The following NCAM1 variants were observed in gnomAD, a reference collection of about 807,000 sequenced individuals.
NCAM1 encodes the protein neural cell adhesion molecule 1.
NCAM1 carries 14 observed loss-of-function variants against 109.8 expected under a neutral mutation model. That is an observed-to-expected ratio of 0.13 (90% CI 0.08 to 0.20). NCAM1 has a LOEUF of 0.20. NCAM1 is among the 10% of genes least tolerant of loss of function. The pLI, the probability that NCAM1 is intolerant of heterozygous loss-of-function variation, is 1.00. For synonymous variants in NCAM1, 418 were observed against 442.9 expected, an observed-to-expected ratio of 0.94 and a Z score of 0.70; for missense variants, 774 against 1,109.9, an observed-to-expected ratio of 0.70 and a Z score of 4.30.
intron 1 of NCAM1, among the ~76,000 whole-genome samples, chr11:113,112,270 G>C (rs1940478999): frequency 6.6e-6 from 1 of 152,192 alleles, no homozygotes; most frequent in Admixed American, 6.5e-5. Flanking sequence ...TGTTTTGCCA[G>C]TGGAAATATT....
chr11:113,217,460 C>A (rs1268983038), intron 8 of NCAM1, among the ~76,000 whole-genome samples: 1 of 152,112 alleles, frequency 6.6e-6, no homozygotes, highest in Admixed American at 6.6e-5. Context: ...TTTTATCTTT[C>A]TGGTTGTCTT....
intron 1 of NCAM1, among the ~76,000 whole-genome samples, chr11:113,101,503 TC>T (rs1465424650): frequency 2.6e-5 from 4 of 152,252 alleles, no homozygotes; most frequent in African/African-American, 9.6e-5. Flanking sequence ...TGTGTATTGC[TC>T]CTTAATTATA....
At chr11:113,263,163 A>T (rs1373350757) in intron 17 of NCAM1, 2 of 1,196,108 alleles carry the variant, frequency 1.7e-6, no homozygotes, top group African/African-American at 1.5e-5. Flanking sequence ...AGTAAAAAGA[A>T]TTTGAGAGCT....
intron 1 of NCAM1, among the ~76,000 whole-genome samples, chr11:113,088,704 G>A (rs556216213): frequency 1.3e-5 from 2 of 152,136 alleles, no homozygotes; most frequent in Non-Finnish European, 2.9e-5. Context: ...GTGTATGTAG[G>A]AAATTTGTCA....
intron 1 of NCAM1, among the ~76,000 whole-genome samples, chr11:113,155,130 A>G (rs1480887341): frequency 6.6e-6 from 1 of 152,230 alleles, no homozygotes; most frequent in Non-Finnish European, 1.5e-5. Flanking sequence ...CATAACATCC[A>G]GGAGCAAGTG....
intron 1 of NCAM1, among the ~76,000 whole-genome samples, chr11:113,029,733 T>A (rs571526875): frequency 6.6e-6 from 1 of 152,378 alleles, no homozygotes; most frequent in East Asian, 1.9e-4. Flanking sequence ...TCTGCTGAAC[T>A]ATTTGACTTT....
chr11:113,022,640 A>G (rs1952424863), intron 1 of NCAM1, among the ~76,000 whole-genome samples: 1 of 152,186 alleles, frequency 6.6e-6, no homozygotes, highest in Non-Finnish European at 1.5e-5. Flanking sequence ...GTAAGCAAAT[A>G]CTTAATATAA....
intron 9 of NCAM1, among the ~76,000 whole-genome samples, chr11:113,227,237 T>C (rs1419036729): frequency 2.0e-5 from 3 of 150,274 alleles, no homozygotes; most frequent in Non-Finnish European, 2.9e-5. Flanking sequence ...CAATAAAAAA[T>C]GATAAAGGGG....
intron 1 of NCAM1, among the ~76,000 whole-genome samples, chr11:113,073,711 G>A (rs1489613418): frequency 6.6e-6 from 1 of 152,126 alleles, no homozygotes; most frequent in South Asian, 2.1e-4. Context: ...CTTTAAATCC[G>A]CATCACACAT....
chr11:113,193,649 A>G (rs1296909606), intron 1 of NCAM1, among the ~76,000 whole-genome samples: 1 of 151,444 alleles, frequency 6.6e-6, no homozygotes, highest in Non-Finnish European at 1.5e-5. Context: ...CAAAAAAAGA[A>G]AGGAAGAAAA....
chr11:113,163,752 A>G (rs1942683416), intron 1 of NCAM1, among the ~76,000 whole-genome samples: 1 of 152,156 alleles, frequency 6.6e-6, no homozygotes, highest in African/African-American at 2.4e-5. Context: ...TAAGATCGAA[A>G]GAAGAAAGTG....
At chr11:113,184,847 G>A (rs1414863880) in intron 1 of NCAM1, among the ~76,000 whole-genome samples, 1 of 151,996 alleles carries the variant, frequency 6.6e-6, no homozygotes, top group East Asian at 1.9e-4. Context: ...TGTGTGCTAA[G>A]GGCAGTGGTG....
chr11:113,062,714 G>A (rs782628820), intron 1 of NCAM1, among the ~76,000 whole-genome samples: 29 of 152,268 alleles, frequency 1.9e-4, no homozygotes, highest in Admixed American at 1.0e-3. Context: ...GCTCATGCCT[G>A]TAATCTCAGC....
Position 113,233,471 on chromosome 11 carries a change from A to G in NCAM1, c.1693+154A>G, listed in dbSNP as rs1313538460. Among the ~76,000 whole-genome samples the G allele has an allele frequency of 1.4e-5, 2 of 142,750 alleles. No individual in the cohort carries two copies. Among genetic ancestry groups the G allele is most frequent in the South Asian group, 2.1e-4 (1 of 4,796 alleles). The allele number at this position is 142,750 out of a possible 152,430, so 93.6% of individuals were successfully genotyped here. On this transcript the variant is annotated intron_variant, in intron 13 of 19. Transcript: ENST00000316851. This position sits in a 1 kb window ranked among gnomAD's most constrained non-coding sequence, Gnocchi z 4.5. ...ATCTGCCTGTAGAGTTGTTGCCCCTATTGCCACCCCAACCCATGCTCTGTG... is the reference window on the plus strand; with the variant it reads ...ATCTGCCTGTAGAGTTGTTGCCCCTGTTGCCACCCCAACCCATGCTCTGTG...
At chr11:113,259,050 A>AT (rs558552786) in intron 16 of NCAM1, among the ~76,000 whole-genome samples, 15,818 of 134,038 alleles carry the variant, frequency 0.12, 1,082 homozygotes, top group Admixed American at 0.13. Context: ...AATAGTTTTC[A>AT]TTTTTTTTTT....
At chr11:113,085,764 C>G (rs948378695) in intron 1 of NCAM1, among the ~76,000 whole-genome samples, 7 of 152,180 alleles carry the variant, frequency 4.6e-5, no homozygotes, top group Non-Finnish European at 8.8e-5. Flanking sequence ...TCTTTATCAT[C>G]CTGCAGCAGC....
At chr11:113,224,313 G>A (rs1345809167) in intron 9 of NCAM1, among the ~76,000 whole-genome samples, 2 of 152,230 alleles carry the variant, frequency 1.3e-5, no homozygotes, top group African/African-American at 2.4e-5. Flanking sequence ...AGGGTCCTAC[G>A]CCCACGGAGC....
intron 3 of NCAM1, among the ~76,000 whole-genome samples, chr11:113,204,821 T>C (rs1245271482): frequency 6.6e-6 from 1 of 152,154 alleles, no homozygotes; most frequent in Non-Finnish European, 1.5e-5. Context: ...TCCCTTCTTA[T>C]TTCCCTCTCC....
intron 6 of NCAM1, 33 bp downstream of exon 6, chr11:113,207,411 C>T (rs1944270592): frequency 6.4e-7 from 1 of 1,551,828 alleles, no homozygotes; most frequent in African/African-American, 1.4e-5. Context: ...TTATCATGGA[C>T]TAGAGGAGAA....
Sources: allele counts gnomAD v4.1 joint callset (sites outside exome capture counted in the v4.1 genomes callset), GRCh38; gene constraint gnomAD v4.1.1; non-coding constraint Gnocchi (gnomAD v3.1); transcripts MANE v1.5; gene names NCBI Gene and HGNC (gene_info 2026-07-23, HGNC 2026-07-21).